PAM: variants seen among roughly 807,000 people sequenced by gnomAD.
PAM encodes peptidylglycine alpha-amidating monooxygenase.
PAM carries 72 observed loss-of-function variants against 122.1 expected under a neutral mutation model. The observed-to-expected ratio is 0.59, with a 90% confidence interval of 0.49 to 0.72. PAM has a LOEUF of 0.72. Ranked by LOEUF, PAM falls within the 30% of genes least tolerant of loss-of-function variation. The probability of loss-of-function intolerance (pLI) is 0.00; values close to 1 mark genes in which losing one functional copy is unlikely to be tolerated. For missense variants in PAM, 1,106 were observed against 1,183.7 expected, an observed-to-expected ratio of 0.93 and a Z score of 0.96; for synonymous variants, 389 against 404.4, an observed-to-expected ratio of 0.96 and a Z score of 0.46.
At chr5:102,855,875 C>T (rs1782499115) in intron 1 of PAM, among the ~76,000 whole-genome samples, 1 of 152,072 alleles carries the variant, frequency 6.6e-6, no homozygotes, top group Admixed American at 6.6e-5. Context: ...TCTATACCAA[C>T]TTCCTCCTAA....
chr5:102,856,716 A>T (rs993505390), intron 1 of PAM, among the ~76,000 whole-genome samples: 6 of 152,110 alleles, frequency 3.9e-5, no homozygotes, highest in African/African-American at 1.2e-4. Context: ...ATAAAATAAA[A>T]TTTTTTACTT....
chr5:102,901,314 A>G (rs770495155), intron 3 of PAM, 42 bp from the exon 4 acceptor site: 9 of 1,137,374 alleles, frequency 7.9e-6, no homozygotes, highest in Non-Finnish European at 1.2e-5. Flanking sequence ...CTTCCTTACT[A>G]GCAACAGTTT....
intron 3 of PAM, among the ~76,000 whole-genome samples, chr5:102,894,412 C>T (rs2151309329): frequency 6.6e-6 from 1 of 151,758 alleles, no homozygotes; most frequent in South Asian, 2.1e-4. Context: ...CTTTCTTTGT[C>T]TTCCAAGGCA....
intron 15 of PAM, among the ~76,000 whole-genome samples, chr5:102,981,534 G>C (rs2150583786): frequency 1.3e-5 from 2 of 151,028 alleles, no homozygotes; most frequent in Middle Eastern, 6.8e-3. Context: ...AACAAGTAGA[G>C]ACTAAAACAT....
intron 7 of PAM, among the ~76,000 whole-genome samples, chr5:102,938,800 T>A (rs1047231745): frequency 6.6e-6 from 1 of 152,136 alleles, no homozygotes; most frequent in Admixed American, 6.6e-5. Flanking sequence ...CAATTCTGTT[T>A]CAGTGAAATG....
chr5:103,025,918 G>C (rs998075593), intron 24 of PAM, among the ~76,000 whole-genome samples: 1 of 152,090 alleles, frequency 6.6e-6, no homozygotes, highest in South Asian at 2.1e-4. Context: ...ACCACCAATG[G>C]TTATGATGAA....
chr5:102,913,364 C>T (rs1367697580), intron 4 of PAM, among the ~76,000 whole-genome samples: 2 of 151,898 alleles, frequency 1.3e-5, no homozygotes, highest in Non-Finnish European at 2.9e-5. Context: ...TTATTGAGGA[C>T]AGTAATTTTA....
intron 1 of PAM, among the ~76,000 whole-genome samples, chr5:102,763,148 A>T (rs998506729): frequency 1.3e-5 from 2 of 152,150 alleles, no homozygotes; most frequent in African/African-American, 4.8e-5. Context: ...TGGTCCCATG[A>T]TTATCCAGTA....
At chr5:102,932,466 C>T (rs188216028) in intron 7 of PAM, among the ~76,000 whole-genome samples, 89 of 151,576 alleles carry the variant, frequency 5.9e-4, no homozygotes, top group African/African-American at 1.9e-3. Context: ...GCCTGGGTGA[C>T]AGAGTAAGAC....
intron 3 of PAM, among the ~76,000 whole-genome samples, chr5:102,869,352 A>G (rs1254659824): frequency 1.3e-5 from 2 of 152,158 alleles, no homozygotes; most frequent in Non-Finnish European, 2.9e-5. Flanking sequence ...CTATAATAAA[A>G]CTAACACCAT....
chr5:102,822,110 C>A (rs1247913686), intron 1 of PAM, among the ~76,000 whole-genome samples: 2 of 152,154 alleles, frequency 1.3e-5, no homozygotes, highest in African/African-American at 2.4e-5. Context: ...TTGTCAGGCA[C>A]AGCTCCTACC....
intron 1 of PAM, among the ~76,000 whole-genome samples, chr5:102,765,837 T>C (rs559735656): frequency 2.0e-5 from 3 of 152,168 alleles, no homozygotes; most frequent in Non-Finnish European, 2.9e-5. Flanking sequence ...GTTTCCCCTT[T>C]TTATAAGGAC....
At chr5:103,023,536 G>A (rs982685238) in intron 23 of PAM, among the ~76,000 whole-genome samples, 1 of 149,946 alleles carries the variant, frequency 6.7e-6, no homozygotes, top group African/African-American at 2.4e-5. Flanking sequence ...TGAGTGGTCA[G>A]AAAGAATAGA....
chr5:102,899,459 C>G (rs959123222), intron 3 of PAM, among the ~76,000 whole-genome samples: 1 of 151,528 alleles, frequency 6.6e-6, no homozygotes, highest in Non-Finnish European at 1.5e-5. Flanking sequence ...AGAGTAAAAT[C>G]GAAACCTGTT....
chr5:102,857,973 A>T (rs1292088315), intron 1 of PAM, among the ~76,000 whole-genome samples: 1 of 152,202 alleles, frequency 6.6e-6, no homozygotes, highest in Non-Finnish European at 1.5e-5. Context: ...CTAGGATTTG[A>T]ATTCTTGCTC....
intron 1 of PAM, among the ~76,000 whole-genome samples, chr5:102,847,490 A>G (rs549980606): frequency 6.6e-6 from 1 of 152,286 alleles, no homozygotes; most frequent in Admixed American, 6.5e-5. Flanking sequence ...TTGAGTGGGC[A>G]TGGTTTCACT....
chr5:102,764,107 T>C (rs1354925254), intron 1 of PAM, among the ~76,000 whole-genome samples: 1 of 151,798 alleles, frequency 6.6e-6, no homozygotes, highest in African/African-American at 2.4e-5. Flanking sequence ...TAAGTTGGGG[T>C]TTTCTTTTAT....
chr5:102,756,219 G>C lies in PAM; in HGVS notation c.-374+871G>C, dbSNP rs1319747573. On this transcript the variant is annotated intron_variant, in intron 1 of 25. Coordinates refer to ENST00000438793, the MANE Select transcript of PAM (RefSeq NM_001177306.2). ...TGATGGCAGGTCCTGTGTTCTGATC[G>C]TCTGAGTTCAGGTCCTTTGGCTGAG... Among the ~76,000 whole-genome samples, 3 of 152,172 alleles carry C rather than the reference G, an allele frequency of 2.0e-5. No individual in the cohort carries two copies. In the East Asian group the frequency reaches 5.8e-4, roughly 29 times the overall value.
chr5:102,982,734 A>G (rs1286251995), intron 15 of PAM, among the ~76,000 whole-genome samples: 2 of 152,184 alleles, frequency 1.3e-5, no homozygotes, highest in East Asian at 1.9e-4. Context: ...ATTTTTCCTT[A>G]TGAAACCCAA....
Sources: gnomAD v4.1 joint callset for allele counts (sites outside exome capture counted in the v4.1 genomes callset) on GRCh38, gnomAD v4.1.1 for gene constraint, MANE v1.5 for transcripts, NCBI Gene and HGNC (gene_info 2026-07-23, HGNC 2026-07-21) for gene names.